The following KCNC2 variants were observed in gnomAD, a reference collection of about 807,000 sequenced individuals.
The protein encoded by KCNC2 is voltage-gated potassium channel KCNC2.
KCNC2 carries 21 observed loss-of-function variants against 44.5 expected under a neutral mutation model. The observed-to-expected ratio is 0.47, with a 90% confidence interval of 0.33 to 0.68. The LOEUF (loss-of-function observed/expected upper bound fraction) is 0.68, where lower values mean the gene tolerates loss of function less well. Among genes scored for constraint, KCNC2 ranks in the 30% least tolerant of loss-of-function variants. The probability of loss-of-function intolerance (pLI) is 0.01; values close to 1 mark genes in which losing one functional copy is unlikely to be tolerated. For missense variants in KCNC2, 589 were observed against 826.2 expected (o/e 0.71, Z 3.52); for synonymous variants, 391 against 339.1 (o/e 1.15, Z -1.68).
rs535325374 is a variant in KCNC2 at position 75,069,292 on chromosome 12, G to A, written c.688-17975C>T. ...TGGGATTACAGGCATGCGCCACCAC[G>A]CCCAGCTAATTTTGTATTTTTTTAG... On this transcript the variant is annotated intron_variant, in intron 2 of 4. Coordinates refer to ENST00000549446, the MANE Select transcript of KCNC2 (RefSeq NM_139137.4). Among the ~76,000 whole-genome samples the A allele has an allele frequency of 7.3e-5, 11 of 151,514 alleles. No individual in the cohort carries two copies. The South Asian group carries it at 1.9e-3, about 26-fold the overall frequency.
intron 2 of KCNC2, among the ~76,000 whole-genome samples, chr12:75,129,616 T>C (rs960541761): frequency 6.6e-6 from 1 of 152,104 alleles, no homozygotes; most frequent in African/African-American, 2.4e-5. Flanking sequence ...CAAGTTGAAA[T>C]TGAGTAAAGT....
intron 2 of KCNC2, among the ~76,000 whole-genome samples, chr12:75,169,857 A>G (rs990816536): frequency 6.6e-6 from 1 of 151,712 alleles, no homozygotes; most frequent in Admixed American, 6.6e-5. Flanking sequence ...CACAGGTATC[A>G]ATGTTATGAG....
chr12:75,050,388 A>T lies in KCNC2; in HGVS notation c.1615+2T>A. The T allele has an allele frequency of 6.3e-7, 1 of 1,599,358 alleles. No homozygotes were observed. The highest frequency in any genetic ancestry group is 8.5e-7 in the Non-Finnish European group (1 of 1,170,000). On this transcript the variant is annotated splice_donor_variant, in intron 3 of 4. Transcript: ENST00000549446. LOFTEE classifies it high-confidence loss of function. The stretch of plus-strand genomic sequence containing the variant: ...TAACATGCATTTGAAGTCCTGCCTT[A>T]CCTGATCTGTTATGTTCCAGAAGTC...
chr12:75,094,456 C>G (rs1885753417), intron 2 of KCNC2, among the ~76,000 whole-genome samples: 1 of 151,598 alleles, frequency 6.6e-6, no homozygotes, highest in Non-Finnish European at 1.5e-5. Context: ...ACAAGTACAT[C>G]CATTCTCATG....
At chr12:75,160,764 T>A (rs988163170) in intron 2 of KCNC2, among the ~76,000 whole-genome samples, 3 of 151,840 alleles carry the variant, frequency 2.0e-5, no homozygotes, top group African/African-American at 7.2e-5. Context: ...AAGGCTCAAT[T>A]AAGATCTAAG....
intron 2 of KCNC2, among the ~76,000 whole-genome samples, chr12:75,142,246 C>T (rs990765321): frequency 6.6e-5 from 10 of 152,060 alleles, no homozygotes; most frequent in African/African-American, 2.2e-4. Context: ...TCTGACTTCA[C>T]GATTAAAAAC....
intron 2 of KCNC2, among the ~76,000 whole-genome samples, chr12:75,077,361 C>T (rs1286654260): frequency 6.6e-6 from 1 of 152,124 alleles, no homozygotes; most frequent in Admixed American, 6.5e-5. Flanking sequence ...TTTTATGGTT[C>T]TGAATGACTC....
chr12:75,151,829 G>GT (rs1890415861), intron 2 of KCNC2, among the ~76,000 whole-genome samples: 1 of 149,442 alleles, frequency 6.7e-6, no homozygotes, highest in South Asian at 2.1e-4. Flanking sequence ...AAAAACATCA[G>GT]TTTAAGAGAA....
In KCNC2 at chr12:75,066,291, A is replaced by G. The variant is rs143098858; in HGVS notation, c.688-14974T>C. On this transcript the variant is annotated intron_variant, in intron 2 of 4. Coordinates refer to ENST00000549446, the MANE Select transcript of KCNC2 (RefSeq NM_139137.4). ...AAGTTTATATTTTTTACAAACACTCAAAGCTTGAGCTATACAAAGTGCTCC... is the reference window on the plus strand; with the variant it reads ...AAGTTTATATTTTTTACAAACACTCGAAGCTTGAGCTATACAAAGTGCTCC... Among the ~76,000 whole-genome samples the G allele has an allele frequency of 6.6e-5, 10 of 152,274 alleles. No individual in the cohort carries two copies. In the East Asian group the frequency reaches 1.9e-3, roughly 29 times the overall value.
chr12:75,071,121 G>A (rs1233817900), intron 2 of KCNC2, among the ~76,000 whole-genome samples: 1 of 151,848 alleles, frequency 6.6e-6, no homozygotes, highest in Non-Finnish European at 1.5e-5. Flanking sequence ...CAATTTACTT[G>A]GTCTATTTGT....
intron 2 of KCNC2, among the ~76,000 whole-genome samples, chr12:75,117,186 A>G (rs949030833): frequency 1.3e-5 from 2 of 152,214 alleles, no homozygotes; most frequent in African/African-American, 2.4e-5. Context: ...TTCTGGGTTT[A>G]AAGGCTTACT....
chr12:75,062,340 A>G (rs927759359), intron 2 of KCNC2, among the ~76,000 whole-genome samples: 8 of 152,146 alleles, frequency 5.3e-5, no homozygotes, highest in Non-Finnish European at 1.2e-4. Context: ...ACATGCATAC[A>G]TGCTAAACTC....
intron 2 of KCNC2, among the ~76,000 whole-genome samples, chr12:75,094,364 C>T (rs867219009): frequency 6.6e-6 from 1 of 151,576 alleles, no homozygotes; most frequent in Non-Finnish European, 1.5e-5. Context: ...TTATTATTCT[C>T]AAACTGAACA....
At chr12:75,122,935 A>C (rs1888146310) in intron 2 of KCNC2, among the ~76,000 whole-genome samples, 1 of 152,140 alleles carries the variant, frequency 6.6e-6, no homozygotes, top group Non-Finnish European at 1.5e-5. Flanking sequence ...TTACAAGGCT[A>C]TTTTATCCAC....
intron 4 of KCNC2, chr12:75,043,483 C>T: frequency 7.8e-7 from 1 of 1,277,452 alleles, no homozygotes; most frequent in Middle Eastern, 2.9e-4. Context: ...ATATTTTTTC[C>T]CAGATTATAG....
intron 2 of KCNC2, among the ~76,000 whole-genome samples, chr12:75,081,287 C>T (rs1884479845): frequency 6.6e-6 from 1 of 151,826 alleles, no homozygotes; most frequent in East Asian, 1.9e-4. Context: ...AATTTTGTCA[C>T]ATTGAATTCC....
At chr12:75,171,156 G>A (rs995608582) in intron 2 of KCNC2, among the ~76,000 whole-genome samples, 1 of 151,714 alleles carries the variant, frequency 6.6e-6, no homozygotes, top group African/African-American at 2.4e-5. Context: ...ACCTGATTAG[G>A]ACAGGTATAC....
At chr12:75,192,554 C>T (rs1401095658) in intron 2 of KCNC2, among the ~76,000 whole-genome samples, 2 of 152,100 alleles carry the variant, frequency 1.3e-5, no homozygotes, top group South Asian at 2.1e-4. Flanking sequence ...CACCGTCGTC[C>T]GAGTGATCCT....
intron 2 of KCNC2, among the ~76,000 whole-genome samples, chr12:75,143,939 C>T (rs1889835592): frequency 6.6e-6 from 1 of 152,082 alleles, no homozygotes; most frequent in Non-Finnish European, 1.5e-5. Flanking sequence ...CTGACATATC[C>T]TCTATCTGAT....
Sources: allele counts gnomAD v4.1 joint callset (sites outside exome capture counted in the v4.1 genomes callset), GRCh38; gene constraint gnomAD v4.1.1; transcripts MANE v1.5; gene names NCBI Gene and HGNC (gene_info 2026-07-23, HGNC 2026-07-21).